GADL1: variants seen among roughly 807,000 people sequenced by gnomAD.
The protein encoded by GADL1 is acidic amino acid decarboxylase GADL1.
In GADL1, 71 loss-of-function variants were observed where a neutral mutation model predicts 69.5. That is an observed-to-expected ratio of 1.02 (90% CI 0.84 to 1.25). GADL1 has a LOEUF of 1.25. Among genes scored for constraint, GADL1 ranks in the 50% most tolerant of loss-of-function variants. The probability of loss-of-function intolerance (pLI) is 0.00; values close to 1 mark genes in which losing one functional copy is unlikely to be tolerated. For synonymous variants in GADL1, 254 were observed against 214.4 expected, an observed-to-expected ratio of 1.18 and a Z score of -1.62; for missense variants, 737 against 631.8, an observed-to-expected ratio of 1.17 and a Z score of -1.79.
At chr3:30,878,916 T>C (rs1406676897) in intron 1 of GADL1, among the ~76,000 whole-genome samples, 1 of 151,916 alleles carries the variant, frequency 6.6e-6, no homozygotes, top group African/African-American at 2.4e-5. Context: ...AGTTAAACAG[T>C]TCGTTTAGGC....
Position 30,728,165 on chromosome 3 carries a change from A to T in GADL1, c.*77T>A. On this transcript the variant is annotated 3_prime_UTR_variant, in exon 15 of 15. Transcript: ENST00000282538. Reference sequence around the variant, plus strand: ...TTTCTCATCAGAAGGGCTGCAATCTACTGTGTATCTCCAAGATGTTCTGGA... The same window carrying T: ...TTTCTCATCAGAAGGGCTGCAATCTTCTGTGTATCTCCAAGATGTTCTGGA... The T allele has an allele frequency of 7.7e-7, 1 of 1,294,000 alleles. No individual in the cohort carries two copies. Among genetic ancestry groups the T allele is most frequent in the Non-Finnish European group, 1.1e-6 (1 of 902,950 alleles). The allele number at this position is 1,294,000 out of a possible 1,614,324, so 80.2% of individuals were successfully genotyped here.
chr3:30,834,923 A>G (rs1268619356), intron 9 of GADL1, among the ~76,000 whole-genome samples: 1 of 152,084 alleles, frequency 6.6e-6, no homozygotes, highest in Non-Finnish European at 1.5e-5. Flanking sequence ...AGGGAGAAAA[A>G]TTGATGTAAG....
intron 9 of GADL1, among the ~76,000 whole-genome samples, chr3:30,835,029 G>A (rs1697851718): frequency 6.6e-6 from 1 of 152,040 alleles, no homozygotes; most frequent in Admixed American, 6.6e-5. Context: ...AATTTGAAGG[G>A]ACTAGCTTGG....
chr3:30,805,016 T>A (rs1238875019), intron 11 of GADL1, among the ~76,000 whole-genome samples: 1 of 152,176 alleles, frequency 6.6e-6, no homozygotes, highest in Non-Finnish European at 1.5e-5. Context: ...GAGAAGCCAA[T>A]GACAAGCACA....
At position 30,806,750 on chromosome 3, in the gene GADL1, G is replaced by T. The variant is rs541211772; in HGVS notation, c.1051-5662C>A. 1.9e-3 allele frequency among the ~76,000 whole-genome samples: 295 copies of T among 152,300 alleles called. 3 individuals are homozygous for T. Among genetic ancestry groups the T allele is most frequent in the African/African-American group, 6.6e-3 (276 of 41,566 alleles). On this transcript the variant is annotated intron_variant, in intron 11 of 14. Coordinates refer to ENST00000282538, the MANE Select transcript of GADL1 (RefSeq NM_207359.3). ...AGAGCTGAAAAGTGAGGGACAGCTG[G>T]ACAGATGAGAGAACAGAACTAATTG...
At chr3:30,771,929 C>T (rs1373984031) in intron 14 of GADL1, among the ~76,000 whole-genome samples, 15 of 152,144 alleles carry the variant, frequency 9.9e-5, no homozygotes, top group Non-Finnish European at 1.5e-5. Context: ...TGCAAAAAGA[C>T]ATTCAGGAAA....
rs764844793 is a variant in GADL1, at chr3:30,849,131, G to GA, written c.651+864dup. 8.9e-4 allele frequency among the ~76,000 whole-genome samples: 135 copies of GA among 152,246 alleles called. 1 individual carries two copies. The highest frequency in any genetic ancestry group is 3.4e-3 in the Middle Eastern group (1 of 294). ...CACCTAGACTGACCTGATGGAGAAT[G>GA]AGAGACATAAGGAGCAGAGAGGCAT... On this transcript the variant is annotated intron_variant, in intron 6 of 14. Coordinates refer to ENST00000282538, the MANE Select transcript of GADL1 (RefSeq NM_207359.3).
At chr3:30,867,165 G>A (rs138199535) in intron 1 of GADL1, among the ~76,000 whole-genome samples, 140 of 151,896 alleles carry the variant, frequency 9.2e-4, no homozygotes, top group African/African-American at 3.0e-3. Flanking sequence ...TTCAGAATCC[G>A]GATTCCTACC....
At position 30,787,026 on chromosome 3, in the gene GADL1, A is replaced by G. The variant is rs560506159; in HGVS notation, c.1251-620T>C. 1.2e-4 allele frequency among the ~76,000 whole-genome samples: 19 copies of G among 152,256 alleles called. No individual in the cohort carries two copies. In the South Asian group the frequency reaches 3.9e-3, roughly 32 times the overall value. The stretch of plus-strand genomic sequence containing the variant: ...ACACATGGACACAGGGAGGGGAGCA[A>G]CACACACTAGGGCCTGTCAGGGGAG... On this transcript the variant is annotated intron_variant, in intron 12 of 14. Transcript: ENST00000282538.
At chr3:30,730,544 T>A (rs1357295508) in intron 14 of GADL1, among the ~76,000 whole-genome samples, 2 of 152,182 alleles carry the variant, frequency 1.3e-5, no homozygotes, top group East Asian at 3.9e-4. Context: ...GCAAGAACAG[T>A]GGAGGGCCCT....
intron 14 of GADL1, among the ~76,000 whole-genome samples, chr3:30,741,009 TATATATTATATA>T (rs537635368): frequency 2.1e-3 from 207 of 96,292 alleles, no homozygotes; most frequent in Non-Finnish European, 2.9e-3. Flanking sequence ...TAATATATAT[TATATATTATATA>T]ATATATTATA....
chr3:30,868,214 T>C (rs1459207008), intron 1 of GADL1, among the ~76,000 whole-genome samples: 1 of 152,096 alleles, frequency 6.6e-6, no homozygotes, highest in Admixed American at 6.6e-5. Context: ...AGACTTTTTA[T>C]CAATGCTTTT....
At chr3:30,769,308 G>C (rs892607195) in intron 14 of GADL1, among the ~76,000 whole-genome samples, 3 of 151,912 alleles carry the variant, frequency 2.0e-5, no homozygotes, top group African/African-American at 7.3e-5. Context: ...ATGATGTCTT[G>C]GTACATGGTG....
At chr3:30,834,443 T>C (rs1006073269) in intron 9 of GADL1, among the ~76,000 whole-genome samples, 162 bp from the exon 10 acceptor site, 1 of 152,106 alleles carries the variant, frequency 6.6e-6, no homozygotes, top group African/African-American at 2.4e-5. Context: ...TCACTGGCTC[T>C]ACTCAGGCAA....
chr3:30,741,256 GC>G (rs1695622555), intron 14 of GADL1, among the ~76,000 whole-genome samples: 1 of 146,310 alleles, frequency 6.8e-6, no homozygotes, highest in Non-Finnish European at 1.5e-5. Context: ...AGCTCTCTCT[GC>G]CCACGCCAAG....
intron 14 of GADL1, among the ~76,000 whole-genome samples, chr3:30,771,584 G>C (rs558216052): frequency 6.6e-6 from 1 of 152,248 alleles, no homozygotes; most frequent in African/African-American, 2.4e-5. Flanking sequence ...GCTTGAAAGC[G>C]AGTGATAACT....
intron 14 of GADL1, among the ~76,000 whole-genome samples, chr3:30,769,503 C>CTT (rs769613484): frequency 1.3e-5 from 2 of 152,122 alleles, no homozygotes; most frequent in Non-Finnish European, 2.9e-5. Context: ...ATTCCTCCTG[C>CTT]TTCCCCCCTG....
chr3:30,845,199 G>C (rs922625378), intron 6 of GADL1, among the ~76,000 whole-genome samples: 7 of 152,168 alleles, frequency 4.6e-5, no homozygotes, highest in African/African-American at 1.7e-4. Context: ...GAGGCTAATA[G>C]ATGAATATGG....
chr3:30,735,560 T>C (rs547281605), intron 14 of GADL1, among the ~76,000 whole-genome samples: 2 of 152,294 alleles, frequency 1.3e-5, no homozygotes, highest in Admixed American at 6.5e-5. Context: ...TATGTTTCCA[T>C]TTATGTGGCA....
Sources: allele counts gnomAD v4.1 joint callset (sites outside exome capture counted in the v4.1 genomes callset), GRCh38; gene constraint gnomAD v4.1.1; transcripts MANE v1.5; gene names NCBI Gene and HGNC (gene_info 2026-07-23, HGNC 2026-07-21).